TPR: variants seen among roughly 807,000 people sequenced by gnomAD.
TPR encodes nucleoprotein TPR.
TPR carries 51 observed loss-of-function variants against 316.1 expected under a neutral mutation model. That is an observed-to-expected ratio of 0.16 (90% CI 0.13 to 0.20). The LOEUF (loss-of-function observed/expected upper bound fraction) is 0.20. TPR is among the 10% of genes least tolerant of loss of function. TPR has a pLI of 1.00. For missense variants in TPR, 2,272 were observed against 2,754.8 expected (o/e 0.82, Z 3.92); for synonymous variants, 981 against 914.7 (o/e 1.07, Z -1.31).
Position 186,341,148 on chromosome 1 carries a change from C to T in TPR, c.3900G>A (p.Leu1300=), listed in dbSNP as rs1189469353. ...LQQMQAKVRK[L]ELDILPLQEA... is the part of the protein sequence containing the mutation. ...CTTGTAAGGGTAAAATATCTAACTCCAGTTTCCTCACCTGAAAATCATGCC... is the reference window on the plus strand; with the variant it reads ...CTTGTAAGGGTAAAATATCTAACTCTAGTTTCCTCACCTGAAAATCATGCC... Residue 1300 remains leucine, a synonymous_variant, in exon 29 of 51, where the codon CTG becomes CTA. Transcript: ENST00000367478. 6.2e-7 allele frequency: 1 copy of T among 1,613,884 alleles called. No homozygotes were observed. The highest frequency in any genetic ancestry group is 1.7e-5 in the Admixed American group (1 of 59,954).
intron 45 of TPR, 104 bp downstream of exon 45, chr1:186,322,214 G>T: frequency 9.1e-7 from 1 of 1,093,654 alleles, no homozygotes; most frequent in Non-Finnish European, 1.3e-6. Flanking sequence ...ACATAGTAGA[G>T]AGGGACTCAA....
intron 10 of TPR, 100 bp from the exon 11 acceptor site, chr1:186,360,464 G>GT: frequency 8.2e-7 from 1 of 1,215,950 alleles, no homozygotes; most frequent in South Asian, 1.5e-5. Context: ...ACATTATATA[G>GT]TAATTCCTAT....
chr1:186,346,429 T>C (rs1658678136), intron 22 of TPR, 142 bp from the exon 23 acceptor site: 7 of 863,014 alleles, frequency 8.1e-6, no homozygotes, highest in Non-Finnish European at 1.1e-5. Context: ...TCAAAGGTGA[T>C]TAGAAGATTC....
Position 186,333,211 on chromosome 1 carries a change from G to A in TPR, c.5366C>T (p.Ala1789Val), listed in dbSNP as rs779739764. Residue 1789 changes from alanine (A) to valine (V), a missense_variant, in exon 37 of 51, where the codon GCC becomes GTC. Coordinates refer to ENST00000367478, the MANE Select transcript of TPR (RefSeq NM_003292.3). The stretch of plus-strand genomic sequence containing the variant: ...TATGTTTGAAGATAACTCTTGATTG[G>A]CAGGCTCAATCTGAGGATGACTCTG... ...TQQSHPQIEP[A>V]NQELSSNIVE... 32 of 1,613,496 alleles carry A rather than the reference G, an allele frequency of 2.0e-5. No individual in the cohort carries two copies. Among genetic ancestry groups the A allele is most frequent in the Non-Finnish European group, 2.6e-5 (31 of 1,179,690 alleles).
intron 39 of TPR, among the ~76,000 whole-genome samples, chr1:186,329,891 T>C (rs1333488432): frequency 6.6e-6 from 1 of 152,138 alleles, no homozygotes; most frequent in Non-Finnish European, 1.5e-5. Context: ...AAAAGTACTG[T>C]TTCAAGCTTA....
intron 3 of TPR, among the ~76,000 whole-genome samples, chr1:186,369,818 A>T (rs547211963): frequency 1.3e-5 from 2 of 152,160 alleles, no homozygotes; most frequent in Non-Finnish European, 2.9e-5. Context: ...CTTGCATTGG[A>T]TCTTAGTGAA....
At chr1:186,345,477 C>G in intron 24 of TPR, 103 bp downstream of exon 24, 8 of 901,810 alleles carry the variant, frequency 8.9e-6, no homozygotes, top group Non-Finnish European at 1.4e-5. Flanking sequence ...TGGAAATTAT[C>G]TTGAATTTTT....
rs1018843735 is a variant in TPR, at chr1:186,367,614, C to T, written c.427+272G>A. Reference sequence around the variant, plus strand: ...AGTGCTTCCAATTTGACATTATGTACAGCATTGTAGTGAAAATCTTTGCAT... The same window carrying T: ...AGTGCTTCCAATTTGACATTATGTATAGCATTGTAGTGAAAATCTTTGCAT... On this transcript the variant is annotated intron_variant, in intron 4 of 50. Coordinates refer to ENST00000367478, the MANE Select transcript of TPR (RefSeq NM_003292.3). Among the ~76,000 whole-genome samples, 64 of 152,316 alleles carry T rather than the reference C, an allele frequency of 4.2e-4. 1 individual carries two copies. In the Middle Eastern group the frequency reaches 0.01, roughly 24 times the overall value.
At position 186,341,023 on chromosome 1, in the gene TPR, T is replaced by C. The variant is rs766827713; in HGVS notation, c.4020+5A>G. On this transcript the variant is annotated splice_donor_5th_base_variant and intron_variant, in intron 29 of 50. Coordinates refer to ENST00000367478, the MANE Select transcript of TPR (RefSeq NM_003292.3). ...ATGTTTTGGAAGAGTTTTAACTGCA[T>C]TTACCTGGTTACGTGCTTTCCAACG... is the stretch of plus-strand genomic sequence containing the variant. The C allele has an allele frequency of 9.3e-6, 15 of 1,611,668 alleles. No individual in the cohort carries two copies. Among genetic ancestry groups the C allele is most frequent in the Non-Finnish European group, 1.3e-5 (15 of 1,179,482 alleles).
intron 39 of TPR, among the ~76,000 whole-genome samples, chr1:186,328,205 GAA>G (rs1170381524): frequency 6.6e-6 from 1 of 151,868 alleles, no homozygotes; most frequent in Non-Finnish European, 1.5e-5. Context: ...ACTCCAATAA[GAA>G]AAAGAGAAAA....
At chr1:186,374,038 C>G (rs1328027913) in intron 1 of TPR, among the ~76,000 whole-genome samples, 1 of 152,196 alleles carries the variant, frequency 6.6e-6, no homozygotes, top group Non-Finnish European at 1.5e-5. Flanking sequence ...GCTCTGGGAT[C>G]AGAGAACTAA....
At chr1:186,360,633 T>G (rs2101984029) in intron 10 of TPR, 132 bp downstream of exon 10, 2 of 1,230,108 alleles carry the variant, frequency 1.6e-6, no homozygotes, top group East Asian at 5.1e-5. Context: ...TTAAAACAAA[T>G]TCTATTAATA....
chr1:186,323,278 A>T (rs1657820730), intron 43 of TPR, among the ~76,000 whole-genome samples: 2 of 152,220 alleles, frequency 1.3e-5, no homozygotes, highest in Admixed American at 1.3e-4. Flanking sequence ...GAAATGAGAA[A>T]AAATATTCTT....
chr1:186,362,468 A>G, intron 6 of TPR, 88 bp from the exon 7 acceptor site: 1 of 978,560 alleles, frequency 1.0e-6, no homozygotes, highest in Non-Finnish European at 1.5e-6. Context: ...AGGAAAAGCT[A>G]AGTAACTCCC....
At chr1:186,352,133 T>TA (rs751879435) in intron 18 of TPR, 23 bp from the exon 19 acceptor site, 2 of 1,569,494 alleles carry the variant, frequency 1.3e-6, no homozygotes, top group South Asian at 2.4e-5. Flanking sequence ...AGAAATGAAA[T>TA]AAAAAATGCT....
chr1:186,345,574 A>T lies in TPR; in HGVS notation c.3213+6T>A, dbSNP rs2102077453. On this transcript the variant is annotated splice_donor_region_variant and intron_variant, in intron 24 of 50. Transcript: ENST00000367478. The stretch of plus-strand genomic sequence containing the variant: ...AGCTCATTTCTCAATAATTGGCTAT[A>T]CTTACTTGTTCCTGACAGTCACGTC... 6.2e-7 allele frequency: 1 copy of T among 1,604,334 alleles called. No individual in the cohort carries two copies. Among genetic ancestry groups the T allele is most frequent in the Non-Finnish European group, 8.5e-7 (1 of 1,171,752 alleles).
rs918703934 is a variant in TPR at position 186,344,691 on chromosome 1, T to A, written c.3214-113A>T. ...TTAAATAATAAAAGTAAAGACAATC[T>A]AAATGTAGCAAAATAAGAAAATAAT... On this transcript the variant is annotated intron_variant, in intron 24 of 50. Coordinates refer to ENST00000367478, the MANE Select transcript of TPR (RefSeq NM_003292.3). 11 of 728,978 alleles carry A rather than the reference T, an allele frequency of 1.5e-5. No individual in the cohort carries two copies. The South Asian group carries it at 2.3e-4, about 16-fold the overall frequency. 45.2% of individuals were successfully genotyped at this position (728,978 alleles called of 1,614,324 possible). A position where few individuals can be genotyped will look rare whatever the true frequency, so the allele number is the denominator to read the frequency against.
At chr1:186,335,626 A>G (rs1558003496) in intron 33 of TPR, 83 bp from the exon 34 acceptor site, 1 of 1,108,452 alleles carries the variant, frequency 9.0e-7, no homozygotes, top group Non-Finnish European at 1.3e-6. Context: ...GCACATGGTC[A>G]CATCAGATTC....
intron 49 of TPR, among the ~76,000 whole-genome samples, chr1:186,315,252 A>C (rs539950112): frequency 2.1e-4 from 32 of 151,966 alleles, no homozygotes; most frequent in Middle Eastern, 3.4e-3. Context: ...CCAAAAAAAA[A>C]CCAGAAGTGC....
Sources: gnomAD v4.1 joint callset for allele counts (sites outside exome capture counted in the v4.1 genomes callset) on GRCh38, gnomAD v4.1.1 for gene constraint, MANE v1.5 for transcripts, NCBI Gene and HGNC (gene_info 2026-07-23, HGNC 2026-07-21) for gene names.